The following EIF4ENIF1 variants were observed in gnomAD, a reference collection of about 807,000 sequenced individuals.
EIF4ENIF1 encodes the protein eukaryotic translation initiation factor 4E transporter.
A neutral mutation model predicts 110.5 loss-of-function variants in EIF4ENIF1; 23 were observed. The ratio of observed to expected loss-of-function variants is 0.21; its 90% CI spans 0.15 to 0.29. EIF4ENIF1 has a LOEUF of 0.29. EIF4ENIF1 is among the 10% of genes least tolerant of loss of function. The probability of loss-of-function intolerance (pLI) is 1.00; values close to 1 mark genes in which losing one functional copy is unlikely to be tolerated. For missense variants in EIF4ENIF1, 1,031 were observed against 1,221.1 expected (o/e 0.84, Z 2.32); for synonymous variants, 440 against 437.0 (o/e 1.01, Z -0.09).
Position 31,447,553 on chromosome 22 carries a change from C to G in EIF4ENIF1, c.1861G>C (p.Glu621Gln). 6.2e-7 allele frequency: 1 copy of G among 1,603,692 alleles called. No individual in the cohort carries two copies. The stretch of plus-strand genomic sequence containing the variant: ...CCTTCTAAAGCTGCCTGTTGCAACT[C>G]CAGCTGGCTCATCTGCTGAAAAGGA... The part of the protein sequence containing the change: ...SPITAQMSQL[E>Q]LQQAALEGLA... The change falls in exon 14 of 19, where the codon GAG becomes CAG. Residue 621 changes from glutamate (E) to glutamine (Q), a missense_variant. This residue lies in a region of EIF4ENIF1 where 704 missense variants were observed against 879.7 expected (regional missense o/e 0.80). Transcript: ENST00000330125.
Position 31,472,237 on chromosome 22 carries a change from T to C in EIF4ENIF1, c.97-320A>G, listed in dbSNP as rs1316857677. 2.0e-5 allele frequency among the ~76,000 whole-genome samples: 3 copies of C among 152,152 alleles called. No individual in the cohort carries two copies. In the East Asian group the frequency reaches 5.8e-4, roughly 29 times the overall value. On this transcript the variant is annotated intron_variant, in intron 2 of 18. Transcript: ENST00000330125. ...TAAAACCTCTGCCTAATCTTACCAA[T>C]TTTCAATGCATTAGATGACAACTTA...
intron 3 of EIF4ENIF1, among the ~76,000 whole-genome samples, chr22:31,469,554 T>C (rs574010997): frequency 6.6e-6 from 1 of 152,338 alleles, no homozygotes; most frequent in East Asian, 1.9e-4. Flanking sequence ...GTGAGGATTA[T>C]CTAGCATTTA....
At chr22:31,477,579 T>C (rs1278682741) in intron 2 of EIF4ENIF1, among the ~76,000 whole-genome samples, 3 of 152,190 alleles carry the variant, frequency 2.0e-5, no homozygotes, top group Non-Finnish European at 2.9e-5. Flanking sequence ...TTAGCATACA[T>C]AGGTGTGATG....
chr22:31,446,037 C>T (rs1284350714), intron 14 of EIF4ENIF1, among the ~76,000 whole-genome samples: 3 of 145,982 alleles, frequency 2.1e-5, no homozygotes, highest in East Asian at 2.2e-4. Flanking sequence ...TGCCTGTAAT[C>T]CCAGCACTTT....
chr22:31,491,972 T>C (rs2052290931), upstream of EIF4ENIF1, among the ~76,000 whole-genome samples: 1 of 152,244 alleles, frequency 6.6e-6, no homozygotes, highest in African/African-American at 2.4e-5. Flanking sequence ...TGGTTCCTGC[T>C]GGGACGGCTG....
downstream of EIF4ENIF1, among the ~76,000 whole-genome samples, chr22:31,438,385 T>C (rs567660587): frequency 2.0e-5 from 3 of 152,332 alleles, no homozygotes; most frequent in East Asian, 5.8e-4. Flanking sequence ...AGCTAAGGAA[T>C]GTGATACAGA....
At chr22:31,464,229 T>G (rs1233337426) in intron 4 of EIF4ENIF1, 1 of 391,554 alleles carries the variant, frequency 2.6e-6, no homozygotes, top group Non-Finnish European at 4.5e-6. Flanking sequence ...GCCTTTATTT[T>G]GACCAAATCC....
Position 31,483,601 on chromosome 22 carries a change from C to G in EIF4ENIF1, c.96+5022G>C, listed in dbSNP as rs574810208. Among the ~76,000 whole-genome samples, 80 of 152,188 alleles carry G rather than the reference C, an allele frequency of 5.3e-4. No homozygotes were observed. In the South Asian group the frequency reaches 0.016, roughly 30 times the overall value. The stretch of plus-strand genomic sequence containing the variant: ...AATGCAGACGGTTAAGCTCTACTCC[C>G]CAAGTTTCTCCTTTAATACCACTGA... On this transcript the variant is annotated intron_variant, in intron 2 of 18. Transcript: ENST00000330125.
At chr22:31,456,013 A>G in intron 7 of EIF4ENIF1, 26 bp from the exon 8 acceptor site, 1 of 1,609,302 alleles carries the variant, frequency 6.2e-7, no homozygotes, top group Non-Finnish European at 8.5e-7. Context: ...ATAAAAACTA[A>G]TAGTTTCTAG....
At chr22:31,457,292 T>C (rs996444629) in intron 7 of EIF4ENIF1, among the ~76,000 whole-genome samples, 1 of 152,226 alleles carries the variant, frequency 6.6e-6, no homozygotes, top group East Asian at 1.9e-4. Context: ...ATTGCTTTGG[T>C]AGAAATTATG....
At chr22:31,443,922 G>A (rs554955659) in intron 15 of EIF4ENIF1, among the ~76,000 whole-genome samples, 33 of 151,186 alleles carry the variant, frequency 2.2e-4, no homozygotes, top group Admixed American at 4.0e-4. Flanking sequence ...GGCCTCCCGA[G>A]TATAGCTGGG....
rs763325310 is a variant in EIF4ENIF1, at chr22:31,441,747, G to A, written c.2551+27C>T. ...TTGTCCCCTAGGCCCACAAACTGAC[G>A]ACACCCAAGTCAGGCTGGAAACTCA... is the stretch of plus-strand genomic sequence containing the variant. On this transcript the variant is annotated intron_variant, in intron 17 of 18. Coordinates refer to ENST00000330125, the MANE Select transcript of EIF4ENIF1 (RefSeq NM_019843.4). 1.6e-5 allele frequency: 26 copies of A among 1,577,740 alleles called. 1 individual carries two copies. The African/African-American group carries it at 3.0e-4, about 18-fold the overall frequency.
chr22:31,488,291 T>G (rs1290215457), intron 2 of EIF4ENIF1, among the ~76,000 whole-genome samples: 1 of 152,146 alleles, frequency 6.6e-6, no homozygotes, highest in Admixed American at 6.6e-5. Flanking sequence ...ATCCTAGGGC[T>G]TTAATCCTCA....
intron 15 of EIF4ENIF1, 97 bp downstream of exon 15, chr22:31,444,509 G>T: frequency 1.7e-6 from 2 of 1,152,982 alleles, no homozygotes; most frequent in Non-Finnish European, 1.3e-6. Flanking sequence ...TCCGTGGAAG[G>T]AACTCAAGGA....
At chr22:31,455,395 CTTT>C (rs67838369) in intron 8 of EIF4ENIF1, 80 bp from the exon 9 acceptor site, 1,910 of 805,362 alleles carry the variant, frequency 2.4e-3, no homozygotes, top group Middle Eastern at 6.4e-3. Context: ...TTCTTTCTTT[CTTT>C]TTTTTTTTTT....
At chr22:31,492,448 A>G (rs1027980993), upstream of EIF4ENIF1, among the ~76,000 whole-genome samples, 4 of 152,122 alleles carry the variant, frequency 2.6e-5, no homozygotes, top group African/African-American at 9.7e-5. Flanking sequence ...GCTGGAACTA[A>G]TTTCCTGAGC....
At chr22:31,471,367 T>C (rs1040630044) in intron 3 of EIF4ENIF1, among the ~76,000 whole-genome samples, 1 of 150,384 alleles carries the variant, frequency 6.6e-6, no homozygotes, top group African/African-American at 2.4e-5. Flanking sequence ...CAGGCTGGAG[T>C]GCAGTAGTGC....
upstream of EIF4ENIF1, among the ~76,000 whole-genome samples, chr22:31,490,294 C>T (rs1257640694): frequency 6.6e-6 from 1 of 152,234 alleles, no homozygotes; most frequent in Admixed American, 6.5e-5. Flanking sequence ...AGGCAGAGAA[C>T]CGTGGGGCTT....
intron 10 of EIF4ENIF1, among the ~76,000 whole-genome samples, chr22:31,452,526 T>G (rs2050704285): frequency 6.6e-6 from 1 of 152,144 alleles, no homozygotes; most frequent in African/African-American, 2.4e-5. Context: ...AATCCTAGAA[T>G]CATATCTGCA....
Sources: allele counts gnomAD v4.1 joint callset (sites outside exome capture counted in the v4.1 genomes callset), GRCh38; gene constraint gnomAD v4.1.1; regional missense constraint gnomAD v4.1.1; transcripts MANE v1.5; gene names NCBI Gene and HGNC (gene_info 2026-07-23, HGNC 2026-07-21).